Variants in INSR observed in about 807,000 individuals in gnomAD.
The protein encoded by INSR is IR.
A neutral mutation model predicts 142.6 loss-of-function variants in INSR; 67 were observed. The observed-to-expected ratio is 0.47, with a 90% CI of 0.39 to 0.58. The LOEUF (loss-of-function observed/expected upper bound fraction) is 0.58. Ranked by LOEUF, INSR falls within the 20% of genes least tolerant of loss-of-function variation. The pLI, the probability that INSR is intolerant of heterozygous loss-of-function variation, is 0.00. For missense variants in INSR, 1,248 were observed against 1,833.2 expected, an observed-to-expected ratio of 0.68 and a Z score of 5.83; for synonymous variants, 756 against 743.1, an observed-to-expected ratio of 1.02 and a Z score of -0.28.
At chr19:7,285,693 T>C (rs1465213717) in intron 1 of INSR, among the ~76,000 whole-genome samples, 1 of 152,066 alleles carries the variant, frequency 6.6e-6, no homozygotes, top group African/African-American at 2.4e-5. Flanking sequence ...CTGGGAATGA[T>C]GAGGATCAAC....
At chr19:7,249,866 C>T (rs1216011522) in intron 2 of INSR, among the ~76,000 whole-genome samples, 2 of 152,054 alleles carry the variant, frequency 1.3e-5, no homozygotes, top group African/African-American at 2.4e-5. Context: ...GTGGCAGGTG[C>T]CTGTAGTCCC....
chr19:7,116,977 C>G lies in INSR; in HGVS notation c.*79G>C. 2.9e-6 allele frequency: 3 copies of G among 1,038,450 alleles called. No individual in the cohort carries two copies. Among genetic ancestry groups the G allele is most frequent in the Non-Finnish European group, 4.6e-6 (3 of 657,774 alleles). 64.3% of individuals were successfully genotyped at this position (1,038,450 alleles called of 1,614,324 possible). On this transcript the variant is annotated 3_prime_UTR_variant, in exon 22 of 22. Coordinates refer to ENST00000302850, the MANE Select transcript of INSR (RefSeq NM_000208.4). ...TTGGACATGGTAGAGTCGTGAGAAT[C>G]CTGAGTTTTCCAGAGGCTTTCAAAC... is the stretch of plus-strand genomic sequence containing the variant.
At chr19:7,250,650 C>T (rs1398326131) in intron 2 of INSR, among the ~76,000 whole-genome samples, 2 of 151,358 alleles carry the variant, frequency 1.3e-5, no homozygotes, top group Non-Finnish European at 2.9e-5. Context: ...GTTCGGGCAA[C>T]CGTGTTTAAA....
At chr19:7,143,339 C>T (rs572178805) in intron 11 of INSR, among the ~76,000 whole-genome samples, 1 of 152,228 alleles carries the variant, frequency 6.6e-6, no homozygotes, top group South Asian at 2.1e-4. Flanking sequence ...CTAAGACCGT[C>T]AATGGTAGAC....
chr19:7,162,203 T>G (rs1237075519), intron 9 of INSR, among the ~76,000 whole-genome samples: 1 of 151,580 alleles, frequency 6.6e-6, no homozygotes, highest in Non-Finnish European at 1.5e-5. Context: ...GGCAGGCGCC[T>G]GTAGTCCCAG....
intron 2 of INSR, among the ~76,000 whole-genome samples, chr19:7,207,936 GGA>G (rs1975155196): frequency 7.5e-6 from 1 of 133,284 alleles, no homozygotes; most frequent in African/African-American, 3.0e-5. Flanking sequence ...AAGGAAGGAA[GGA>G]AGGGAAGGAG....
In INSR at chr19:7,278,322, G is replaced by A. The variant is rs117530415; in HGVS notation, c.101-10426C>T. ...TGTCATTAGTCTCAGAAGATGTACC[G>A]AGGACATCTTTGGAACAAACCAAGA... On this transcript the variant is annotated intron_variant, in intron 1 of 21. Transcript: ENST00000302850. Among the ~76,000 whole-genome samples the A allele has an allele frequency of 5.9e-5, 9 of 152,174 alleles. No homozygotes were observed. In the East Asian group the frequency reaches 1.5e-3, roughly 26 times the overall value.
In INSR at chr19:7,166,454, C is replaced by G. The variant is rs750115988; in HGVS notation, c.1611-50G>C. The G allele has an allele frequency of 8.7e-6, 14 of 1,603,570 alleles. No individual in the cohort carries two copies. Among genetic ancestry groups the G allele is most frequent in the African/African-American group, 1.3e-5 (1 of 74,808 alleles). ...CAGTTACCCTTACAAGACCGTCACA[C>G]TGAGTGCCGTGCAGATGAGGCCTGG... On this transcript the variant is annotated intron_variant, in intron 7 of 21. Transcript: ENST00000302850. The surrounding 1 kb of genome is among the most constrained non-coding windows in gnomAD (Gnocchi z 4.1).
intron 2 of INSR, among the ~76,000 whole-genome samples, chr19:7,252,867 G>A (rs1273942009): frequency 1.3e-5 from 2 of 151,930 alleles, no homozygotes; most frequent in Admixed American, 1.3e-4. Context: ...TGTAATCCCA[G>A]CACCCTGGGA....
chr19:7,253,134 C>T (rs1355829337), intron 2 of INSR, among the ~76,000 whole-genome samples: 7 of 151,210 alleles, frequency 4.6e-5, no homozygotes, highest in Non-Finnish European at 8.8e-5. Flanking sequence ...TAGAAGAAGC[C>T]ACAGGACCCT....
rs1014562568 is a variant in INSR at position 7,150,183 on chromosome 19, G to A, written c.2267+314C>T. 3.3e-5 allele frequency among the ~76,000 whole-genome samples: 5 copies of A among 152,168 alleles called. No homozygotes were observed. The highest frequency in any genetic ancestry group is 1.2e-4 in the African/African-American group (5 of 41,458). ...CCACCCACCTCTGCAAATGCACGCG[G>A]GAGGTGCAGAGATGTTTAGTGAGCA... On this transcript the variant is annotated intron_variant, in intron 11 of 21. Coordinates refer to ENST00000302850, the MANE Select transcript of INSR (RefSeq NM_000208.4). This position sits in a 1 kb window ranked among gnomAD's most constrained non-coding sequence, Gnocchi z 4.2.
chr19:7,207,887 A>AGAAGGAAGGAAGGAAAGGAAG (rs1975147893), intron 2 of INSR, among the ~76,000 whole-genome samples: 1 of 82,588 alleles, frequency 1.2e-5, no homozygotes, highest in Admixed American at 1.5e-4. Flanking sequence ...ACCTTGTTTG[A>AGAAGGAAGGAAGGAAAGGAAG]GAAGGAAGGA....
At chr19:7,122,177 C>T (rs1972508238) in intron 19 of INSR, among the ~76,000 whole-genome samples, 1 of 148,876 alleles carries the variant, frequency 6.7e-6, no homozygotes, top group Non-Finnish European at 1.5e-5. Context: ...GGTGCAGTGG[C>T]TCACGCCTGT....
chr19:7,195,095 T>C (rs1187541399), intron 2 of INSR, among the ~76,000 whole-genome samples: 1 of 152,134 alleles, frequency 6.6e-6, no homozygotes, highest in Non-Finnish European at 1.5e-5. Flanking sequence ...GAGTAAATCT[T>C]GTTGTGGGAA....
chr19:7,247,671 T>C (rs377178136), intron 2 of INSR, among the ~76,000 whole-genome samples: 45 of 152,282 alleles, frequency 3.0e-4, no homozygotes, highest in South Asian at 2.1e-3. Flanking sequence ...CATGTCCTCA[T>C]GATAGAAGAA....
chr19:7,202,641 AG>A (rs11335901), intron 2 of INSR, among the ~76,000 whole-genome samples: 118,026 of 151,824 alleles, frequency 0.78, 46,184 homozygotes, highest in African/African-American at 0.86. Context: ...CTAGGATTAC[AG>A]GGTATGCGCC....
chr19:7,277,070 T>G (rs1256193064), intron 1 of INSR, among the ~76,000 whole-genome samples: 1 of 152,018 alleles, frequency 6.6e-6, no homozygotes, highest in East Asian at 1.9e-4. Context: ...TAATGAAACC[T>G]ACAAAGAAGA....
At chr19:7,138,437 G>GAGT (rs1385347378) in intron 13 of INSR, among the ~76,000 whole-genome samples, 1 of 151,894 alleles carries the variant, frequency 6.6e-6, no homozygotes, top group Non-Finnish European at 1.5e-5. Context: ...TGTAGTGAGT[G>GAGT]AGTCACAGCC....
chr19:7,129,119 C>T (rs985640712), intron 14 of INSR, among the ~76,000 whole-genome samples, 165 bp from the exon 15 acceptor site: 4 of 152,046 alleles, frequency 2.6e-5, no homozygotes, highest in African/African-American at 9.7e-5. Context: ...CCAGCAGTCC[C>T]GAAACAGTCC....
Sources: gnomAD v4.1 joint callset for allele counts (sites outside exome capture counted in the v4.1 genomes callset) on GRCh38, gnomAD v4.1.1 for gene constraint, Gnocchi (gnomAD v3.1) non-coding constraint, MANE v1.5 for transcripts, NCBI Gene and HGNC (gene_info 2026-07-23, HGNC 2026-07-21) for gene names.